The following CNTN1 variants were observed in gnomAD, a reference collection of about 807,000 sequenced individuals.
CNTN1 encodes the protein contactin 1.
CNTN1 carries 38 observed loss-of-function variants against 126.4 expected under a neutral mutation model. The observed-to-expected ratio is 0.30, with a 90% CI of 0.23 to 0.39. The LOEUF is 0.39. CNTN1 is among the 10% of genes least tolerant of loss of function. The probability of loss-of-function intolerance (pLI) is 1.00; values close to 1 mark genes in which losing one functional copy is unlikely to be tolerated. For missense variants in CNTN1, 1,009 were observed against 1,248.4 expected (o/e 0.81, Z 2.89); for synonymous variants, 413 against 422.6 (o/e 0.98, Z 0.28).
At chr12:40,969,980 T>G (rs1373014890) in intron 15 of CNTN1, among the ~76,000 whole-genome samples, 3 of 152,176 alleles carry the variant, frequency 2.0e-5, no homozygotes, top group Non-Finnish European at 2.9e-5. Context: ...ATCTGCTTCC[T>G]GCACTCTTAG....
chr12:40,865,725 C>G (rs1415730621), intron 1 of CNTN1, among the ~76,000 whole-genome samples: 1 of 151,914 alleles, frequency 6.6e-6, no homozygotes, highest in African/African-American at 2.4e-5. Flanking sequence ...ATTATTGTTA[C>G]TTTGTAGTGA....
chr12:40,719,593 T>C (rs2121208203), intron 1 of CNTN1, among the ~76,000 whole-genome samples: 1 of 152,326 alleles, frequency 6.6e-6, no homozygotes, highest in Non-Finnish European at 1.5e-5. Context: ...CCATGTGTAA[T>C]TGTGAAACTT....
intron 1 of CNTN1, among the ~76,000 whole-genome samples, chr12:40,871,333 A>T (rs969833269): frequency 2.0e-5 from 3 of 152,186 alleles, no homozygotes; most frequent in African/African-American, 7.2e-5. Context: ...CCTAATTGCA[A>T]TAAGTTTTCA....
At chr12:40,997,126 TAGA>T (rs1308653670) in intron 17 of CNTN1, among the ~76,000 whole-genome samples, 1 of 152,238 alleles carries the variant, frequency 6.6e-6, no homozygotes, top group Admixed American at 6.5e-5. Context: ...AATGAAAAAT[TAGA>T]AGATGTATTT....
At chr12:40,795,278 C>T (rs1268216313) in intron 1 of CNTN1, among the ~76,000 whole-genome samples, 4 of 17,284 alleles carry the variant, frequency 2.3e-4, no homozygotes, top group African/African-American at 8.1e-4. Flanking sequence ...CATGTATACA[C>T]ACACACACAC....
intron 6 of CNTN1, among the ~76,000 whole-genome samples, 192 bp downstream of exon 6, chr12:40,924,844 C>G (rs1945582946): frequency 1.6e-5 from 2 of 128,746 alleles, no homozygotes; most frequent in African/African-American, 5.8e-5. Context: ...TCACCTGGCT[C>G]TAGTCCCAAG....
chr12:40,785,749 G>T (rs7979550), intron 1 of CNTN1, among the ~76,000 whole-genome samples: 137,688 of 152,056 alleles, frequency 0.91, 62,469 homozygotes, highest in Middle Eastern at 0.95. Context: ...CACTTCTTTT[G>T]TGGATCTTCA....
chr12:40,762,849 AT>A (rs2136418898), intron 1 of CNTN1, among the ~76,000 whole-genome samples: 1 of 152,318 alleles, frequency 6.6e-6, no homozygotes, highest in South Asian at 2.1e-4. Flanking sequence ...AAAAAGTGAA[AT>A]GGGTGCTCTG....
chr12:40,950,409 A>G (rs551524620), intron 14 of CNTN1, among the ~76,000 whole-genome samples: 29 of 152,260 alleles, frequency 1.9e-4, no homozygotes, highest in African/African-American at 7.0e-4. Context: ...CAAAATGCAT[A>G]TCCAAAATAG....
intron 12 of CNTN1, among the ~76,000 whole-genome samples, chr12:40,940,293 G>A (rs1308862025): frequency 6.6e-6 from 1 of 152,046 alleles, no homozygotes; most frequent in Non-Finnish European, 1.5e-5. Flanking sequence ...AAATCAGTGT[G>A]ATTTGTCTTT....
chr12:41,037,320 T>A (rs1053222101), intron 23 of CNTN1, among the ~76,000 whole-genome samples: 3 of 152,136 alleles, frequency 2.0e-5, no homozygotes, highest in African/African-American at 7.2e-5. Context: ...GTACCACATA[T>A]AAGATGGTGG....
chr12:41,028,955 T>C (rs1949088524), intron 22 of CNTN1, 108 bp from the exon 23 acceptor site: 2 of 1,057,288 alleles, frequency 1.9e-6, no homozygotes, highest in East Asian at 2.5e-5. Flanking sequence ...TTTAAATTTA[T>C]TACTTTTTGT....
intron 1 of CNTN1, among the ~76,000 whole-genome samples, chr12:40,709,096 C>T (rs1941843422): frequency 6.6e-6 from 1 of 152,138 alleles, no homozygotes; most frequent in African/African-American, 2.4e-5. Flanking sequence ...CAGCTAAAAT[C>T]TTATGAAAGG....
chr12:40,958,695 A>T (rs1946988824), intron 14 of CNTN1, among the ~76,000 whole-genome samples: 1 of 152,064 alleles, frequency 6.6e-6, no homozygotes, highest in African/African-American at 2.4e-5. Context: ...TATTAAAACT[A>T]GTCAATTAGA....
chr12:40,910,190 A>T (rs1423818793), intron 3 of CNTN1, 85 bp downstream of exon 3: 4 of 1,097,604 alleles, frequency 3.6e-6, no homozygotes, highest in Non-Finnish European at 5.5e-6. Flanking sequence ...TTAACTCTCT[A>T]AACTTTAAGG....
intron 1 of CNTN1, among the ~76,000 whole-genome samples, chr12:40,898,190 A>G (rs1205360694): frequency 1.3e-5 from 2 of 152,158 alleles, no homozygotes; most frequent in African/African-American, 4.8e-5. Flanking sequence ...AGAAAAAGGA[A>G]TGAGATAATC....
chr12:40,930,247 A>C (rs1945837922), intron 7 of CNTN1, among the ~76,000 whole-genome samples: 1 of 151,982 alleles, frequency 6.6e-6, no homozygotes, highest in South Asian at 2.1e-4. Flanking sequence ...GAAAATACAC[A>C]GGGGACTGAT....
intron 14 of CNTN1, among the ~76,000 whole-genome samples, chr12:40,949,972 G>A (rs1004955064): frequency 1.3e-5 from 2 of 151,970 alleles, no homozygotes; most frequent in African/African-American, 2.4e-5. Context: ...AATCAGATTC[G>A]AGCCGAAAAA....
At chr12:40,884,437 C>A (rs537790947) in intron 1 of CNTN1, among the ~76,000 whole-genome samples, 1 of 151,454 alleles carries the variant, frequency 6.6e-6, no homozygotes, top group Non-Finnish European at 1.5e-5. Context: ...GTAAACACAT[C>A]AAATTATTTA....
Sources: gnomAD v4.1 joint callset for allele counts (sites outside exome capture counted in the v4.1 genomes callset) on GRCh38, gnomAD v4.1.1 for gene constraint, MANE v1.5 for transcripts, NCBI Gene and HGNC (gene_info 2026-07-23, HGNC 2026-07-21) for gene names.